Variants in DNAJC5 observed in about 807,000 individuals in gnomAD.
The protein encoded by DNAJC5 is DnaJ heat shock protein family (Hsp40) member C5, also known as dnaJ homolog subfamily C member 5.
DNAJC5 carries 1 observed loss-of-function variant against 23.2 expected under a neutral mutation model. That is an observed-to-expected ratio of 0.04 (90% CI 0.02 to 0.20). The LOEUF is 0.20. Among genes scored for constraint, DNAJC5 ranks in the 10% least tolerant of loss-of-function variants. DNAJC5 has a pLI of 1.00. For missense variants in DNAJC5, 180 were observed against 267.0 expected (o/e 0.67, Z 2.27); for synonymous variants, 136 against 120.0 (o/e 1.13, Z -0.87).
At chr20:63,914,028 G>T (rs1034646072) in intron 1 of DNAJC5, among the ~76,000 whole-genome samples, 3 of 152,074 alleles carry the variant, frequency 2.0e-5, no homozygotes, top group Non-Finnish European at 4.4e-5. Context: ...CACCATCTTG[G>T]GGGGACCACA....
rs115506380 is a variant in DNAJC5, at chr20:63,919,232, C to T, written c.-11-9103C>T. ...AGGGACCTGCTAAACTGCAAGCTGC[C>T]GCAGGCGGAGATTTTTGCCTGTTTG... On this transcript the variant is annotated intron_variant, in intron 1 of 4. Coordinates refer to ENST00000360864, the MANE Select transcript of DNAJC5 (RefSeq NM_025219.3). 6.0e-3 allele frequency among the ~76,000 whole-genome samples: 909 copies of T among 152,326 alleles called. 8 individuals are homozygous for T. The highest frequency in any genetic ancestry group is 0.019 in the African/African-American group (778 of 41,578).
At chr20:63,930,787 AG>A (rs1286111136) in intron 3 of DNAJC5, 63 bp from the exon 4 acceptor site, 1 of 1,608,004 alleles carries the variant, frequency 6.2e-7, no homozygotes, top group Non-Finnish European at 8.5e-7. Flanking sequence ...GGCATTTGGG[AG>A]TCCTGCGCCT....
intron 1 of DNAJC5, among the ~76,000 whole-genome samples, chr20:63,900,614 G>C (rs1227642712): frequency 7.0e-6 from 1 of 142,194 alleles, no homozygotes; most frequent in Admixed American, 7.1e-5. Context: ...GTTCTGTATT[G>C]ATCAATAATT....
chr20:63,910,854 G>A (rs139548837), intron 1 of DNAJC5, among the ~76,000 whole-genome samples: 6 of 152,044 alleles, frequency 3.9e-5, no homozygotes, highest in Admixed American at 2.0e-4. Context: ...TGTATTTTTA[G>A]TAGAGACGGG....
chr20:63,926,326 C>T (rs1025907308), intron 1 of DNAJC5, among the ~76,000 whole-genome samples: 5 of 152,220 alleles, frequency 3.3e-5, no homozygotes, highest in Non-Finnish European at 7.3e-5. Context: ...TGTCTTTCCT[C>T]ATGTTGCTCA....
In DNAJC5 at chr20:63,934,688, C is replaced by G. The variant is rs1251315011; in HGVS notation, c.*3120C>G. 6.6e-6 allele frequency: 1 copy of G among 152,358 alleles called. No individual in the cohort carries two copies. The highest frequency in any genetic ancestry group is 2.1e-4 in the South Asian group (1 of 4,830). The allele number at this position is 152,358 out of a possible 1,614,324, so 9.4% of individuals were successfully genotyped here. A position where few individuals can be genotyped will look rare whatever the true frequency, so the allele number is the denominator to read the frequency against. On this transcript the variant is annotated 3_prime_UTR_variant, in exon 5 of 5. Coordinates refer to ENST00000360864, the MANE Select transcript of DNAJC5 (RefSeq NM_025219.3). ...AGTGTTTGTGAACTTTCCTAGTTCT[C>G]TATGTTGTTAGTGCAGCCAGCACCC...
intron 1 of DNAJC5, among the ~76,000 whole-genome samples, chr20:63,925,871 A>G (rs1600881624): frequency 1.5e-5 from 2 of 129,374 alleles, no homozygotes; most frequent in South Asian, 4.9e-4. Flanking sequence ...TGTGTCGCCC[A>G]GGCTGGAGTG....
rs1443436891 is a variant in DNAJC5 at position 63,933,442 on chromosome 20, C to T, written c.*1874C>T. ...TAGGTCCTGGGCAGCTTTGTTTGTC[C>T]CACTTTTCTTTGTTTCTTCTCACTA... On this transcript the variant is annotated 3_prime_UTR_variant, in exon 5 of 5. Transcript: ENST00000360864. 1 of 152,310 alleles carries T rather than the reference C, an allele frequency of 6.6e-6. No individual in the cohort carries two copies. Among genetic ancestry groups the T allele is most frequent in the Non-Finnish European group, 1.5e-5 (1 of 68,048 alleles). 9.4% of individuals were successfully genotyped at this position (152,310 alleles called of 1,614,324 possible). A position where few individuals can be genotyped will look rare whatever the true frequency, so the allele number is the denominator to read the frequency against.
At chr20:63,925,344 C>T (rs573379707) in intron 1 of DNAJC5, among the ~76,000 whole-genome samples, 45 of 152,036 alleles carry the variant, frequency 3.0e-4, no homozygotes, top group African/African-American at 9.4e-4. Flanking sequence ...ATTACCTGGG[C>T]GTGGTTCGCG....
chr20:63,915,089 A>G (rs1232195650), intron 1 of DNAJC5, among the ~76,000 whole-genome samples: 1 of 152,132 alleles, frequency 6.6e-6, no homozygotes, highest in African/African-American at 2.4e-5. Flanking sequence ...GGGCTGCTCC[A>G]TGGATGCTCC....
chr20:63,925,435 G>A (rs908645768), intron 1 of DNAJC5, among the ~76,000 whole-genome samples: 2 of 152,108 alleles, frequency 1.3e-5, no homozygotes, highest in African/African-American at 4.8e-5. Context: ...GTGAACTGAG[G>A]TCACACCACT....
chr20:63,925,913 C>T (rs1424400299), intron 1 of DNAJC5, among the ~76,000 whole-genome samples: 10 of 151,012 alleles, frequency 6.6e-5, no homozygotes, highest in South Asian at 4.2e-4. Flanking sequence ...CTGCAAGCTC[C>T]GCCTTCCGGG....
chr20:63,918,233 C>G (rs1318384387), intron 1 of DNAJC5, among the ~76,000 whole-genome samples: 1 of 152,122 alleles, frequency 6.6e-6, no homozygotes, highest in Admixed American at 6.6e-5. Flanking sequence ...AGAAGCAGAT[C>G]AAGCCAGGCA....
At position 63,909,676 on chromosome 20, in the gene DNAJC5, G is replaced by A. The variant is rs944254287; in HGVS notation, c.-12+14353G>A. Reference sequence around the variant, plus strand: ...AGCCTGGGCGACAGAGCAAGACTCCGTCTCAAAGAAAGAAAAAGAAAGAAA... The same window carrying A: ...AGCCTGGGCGACAGAGCAAGACTCCATCTCAAAGAAAGAAAAAGAAAGAAA... On this transcript the variant is annotated intron_variant, in intron 1 of 4. Transcript: ENST00000360864. 7.2e-5 allele frequency among the ~76,000 whole-genome samples: 11 copies of A among 152,206 alleles called. 1 individual carries two copies. The highest frequency in any genetic ancestry group is 6.3e-3 in the Middle Eastern group (2 of 316).
intron 1 of DNAJC5, among the ~76,000 whole-genome samples, chr20:63,921,248 C>T (rs369824898): frequency 7.9e-5 from 12 of 152,280 alleles, no homozygotes; most frequent in East Asian, 5.8e-4. Flanking sequence ...CTTGAGCCAC[C>T]GTGCCCGGCC....
intron 1 of DNAJC5, among the ~76,000 whole-genome samples, chr20:63,925,379 A>C (rs1301761845): frequency 6.6e-6 from 1 of 152,138 alleles, no homozygotes; most frequent in Non-Finnish European, 1.5e-5. Flanking sequence ...GTGACTTGGG[A>C]GGCTGAAGCA....
At chr20:63,926,218 A>G (rs529375235) in intron 1 of DNAJC5, among the ~76,000 whole-genome samples, 4 of 152,168 alleles carry the variant, frequency 2.6e-5, no homozygotes, top group African/African-American at 9.6e-5. Context: ...GTAAATTGTA[A>G]TTTTCAAGAT....
intron 1 of DNAJC5, among the ~76,000 whole-genome samples, chr20:63,919,183 GC>G (rs1392975521): frequency 2.0e-5 from 3 of 152,182 alleles, no homozygotes; most frequent in Non-Finnish European, 4.4e-5. Flanking sequence ...CTGCTAGACT[GC>G]AAGCTGCTGC....
At chr20:63,903,528 C>T (rs1269368320) in intron 1 of DNAJC5, among the ~76,000 whole-genome samples, 2 of 152,064 alleles carry the variant, frequency 1.3e-5, no homozygotes, top group East Asian at 1.9e-4. Context: ...AGGATGATCT[C>T]GATCTCTTGA....
Sources: gnomAD v4.1 joint callset for allele counts (sites outside exome capture counted in the v4.1 genomes callset) on GRCh38, gnomAD v4.1.1 for gene constraint, MANE v1.5 for transcripts, NCBI Gene and HGNC (gene_info 2026-07-23, HGNC 2026-07-21) for gene names.